ARHGAP29: variants seen among roughly 807,000 people sequenced by gnomAD.
The protein encoded by ARHGAP29 is rho GTPase-activating protein 29.
A neutral mutation model predicts 122.6 loss-of-function variants in ARHGAP29; 43 were observed. The ratio of observed to expected loss-of-function variants is 0.35; its 90% CI spans 0.27 to 0.45. The LOEUF (loss-of-function observed/expected upper bound fraction) is 0.45, where lower values mean the gene tolerates loss of function less well. Ranked by LOEUF, ARHGAP29 falls within the 20% of genes least tolerant of loss-of-function variation. ARHGAP29 has a pLI of 1.00. For missense variants in ARHGAP29, 1,303 were observed against 1,477.2 expected, an observed-to-expected ratio of 0.88 and a Z score of 1.93; for synonymous variants, 506 against 497.1, an observed-to-expected ratio of 1.02 and a Z score of -0.24.
chr1:94,260,948 T>C (rs953163863), intron 1 of ARHGAP29, among the ~76,000 whole-genome samples: 1 of 152,190 alleles, frequency 6.6e-6, no homozygotes, highest in Non-Finnish European at 1.5e-5. Context: ...GTTGAGTGTT[T>C]CCTGACTTCC....
chr1:94,235,881 CTGCCCCACGCA>C (rs1375683340), intron 1 of ARHGAP29, among the ~76,000 whole-genome samples: 1 of 152,212 alleles, frequency 6.6e-6, no homozygotes, highest in East Asian at 1.9e-4. Context: ...CAAATGTCCG[CTGCCCCACGCA>C]TGCCCCCTGC....
chr1:94,200,546 T>A (rs995960869), intron 12 of ARHGAP29, among the ~76,000 whole-genome samples: 1 of 152,200 alleles, frequency 6.6e-6, no homozygotes, highest in African/African-American at 2.4e-5. Flanking sequence ...ACTCCTGGTA[T>A]TGACTTGAGA....
intron 3 of ARHGAP29, among the ~76,000 whole-genome samples, chr1:94,211,710 C>A (rs537993021): frequency 9.2e-5 from 14 of 152,122 alleles, no homozygotes; most frequent in Non-Finnish European, 1.8e-4. Flanking sequence ...GGAAAATCTC[C>A]AAATATTTAG....
intron 1 of ARHGAP29, among the ~76,000 whole-genome samples, chr1:94,269,566 T>G (rs1286643268): frequency 6.8e-6 from 1 of 146,636 alleles, no homozygotes; most frequent in Non-Finnish European, 1.5e-5. Flanking sequence ...ATATCATTAT[T>G]ATTATTACTA....
In ARHGAP29 at chr1:94,273,448, A is replaced by T. The variant is rs979245042; in HGVS notation, c.-33+1564T>A. On this transcript the variant is annotated intron_variant and NMD_transcript_variant, in intron 1 of 25. Coordinates refer to the ARHGAP29 transcript ENST00000552844. The stretch of plus-strand genomic sequence containing the variant: ...TTCTTGGCTTGGTCTCTTATTTATC[A>T]CTCAGAACTTTCTTGATACAAAAAA... Among the ~76,000 whole-genome samples the T allele has an allele frequency of 2.6e-5, 4 of 152,174 alleles. No individual in the cohort carries two copies. In the South Asian group the frequency reaches 8.3e-4, roughly 32 times the overall value.
Position 94,231,455 on chromosome 1 carries a change from T to C in ARHGAP29, c.157A>G (p.Arg53Gly). ...TATAGTAACATGTGGGAGAACTTCC[T>C]GATATCATTCACCAACTCCTTGATG... Reference protein sequence around the residue: ...DYIKELVNDIRKFSHMLLYLK... With the variant: ...DYIKELVNDIGKFSHMLLYLK... The change falls in exon 2 of 23, where the codon AGG becomes GGG. Residue 53 changes from arginine to glycine, a missense_variant. This residue lies in a region of ARHGAP29 where 592 missense variants were observed against 648.2 expected (regional missense o/e 0.91). Coordinates refer to ENST00000260526, the MANE Select transcript of ARHGAP29 (RefSeq NM_004815.4). 6.2e-7 allele frequency: 1 copy of C among 1,613,790 alleles called. No individual in the cohort carries two copies. Among genetic ancestry groups the C allele is most frequent in the Non-Finnish European group, 8.5e-7 (1 of 1,179,710 alleles).
upstream of ARHGAP29, among the ~76,000 whole-genome samples, chr1:94,238,300 C>T (rs1247291726): frequency 1.3e-5 from 2 of 151,902 alleles, no homozygotes; most frequent in Non-Finnish European, 2.9e-5. Context: ...ACCTCCCGAC[C>T]TCAGGTGATC....
rs2101525010 is a variant in ARHGAP29, at chr1:94,205,627, A to C, written c.559+8T>G. ...TTTGTGAAAAGTTATAAACACCTTG[A>C]GCATTACCTTTTTCACTGGATGAGT... On this transcript the variant is annotated splice_region_variant and intron_variant, in intron 6 of 22. Coordinates refer to ENST00000260526, the MANE Select transcript of ARHGAP29 (RefSeq NM_004815.4). The C allele has an allele frequency of 6.2e-7, 1 of 1,611,268 alleles. No individual in the cohort carries two copies. The highest frequency in any genetic ancestry group is 1.1e-5 in the South Asian group (1 of 90,502).
chr1:94,222,505 T>C (rs1380238425), intron 2 of ARHGAP29, among the ~76,000 whole-genome samples: 1 of 152,200 alleles, frequency 6.6e-6, no homozygotes, highest in Non-Finnish European at 1.5e-5. Flanking sequence ...TCCGGTCTAA[T>C]GAGGAGAAAA....
chr1:94,294,069 T>G, the ARHGAP29 span, among the ~76,000 whole-genome samples: 1 of 152,146 alleles, frequency 6.6e-6, no homozygotes, highest in Non-Finnish European at 1.5e-5. Context: ...TCTAAGGATT[T>G]TAGGAGTTGT....
At position 94,173,851 on chromosome 1, in the gene ARHGAP29, C is replaced by T. The variant is rs529470383; in HGVS notation, c.*18G>A. 2.0e-5 allele frequency: 32 copies of T among 1,568,382 alleles called. No homozygotes were observed. The highest frequency in any genetic ancestry group is 2.7e-5 in the African/African-American group (2 of 73,064). Reference sequence around the variant, plus strand: ...AAATAACACAACAACAACAAAAAAACCCTGAAATTTGACATCCCTACACAA... The same window carrying T: ...AAATAACACAACAACAACAAAAAAATCCTGAAATTTGACATCCCTACACAA... On this transcript the variant is annotated 3_prime_UTR_variant, in exon 23 of 23. Coordinates refer to ENST00000260526, the MANE Select transcript of ARHGAP29 (RefSeq NM_004815.4).
At chr1:94,240,961 A>G (rs988726544), upstream of ARHGAP29, among the ~76,000 whole-genome samples, 1 of 152,124 alleles carries the variant, frequency 6.6e-6, no homozygotes, top group Non-Finnish European at 1.5e-5. Context: ...GTCTAAAAAC[A>G]TTTGACAATA....
intron 19 of ARHGAP29, among the ~76,000 whole-genome samples, chr1:94,181,641 GT>G (rs1649471643): frequency 1.3e-5 from 2 of 152,092 alleles, no homozygotes; most frequent in South Asian, 4.2e-4. Context: ...AAAGCTCAAG[GT>G]CTTCGAAGAC....
At chr1:94,302,568 C>G in the ARHGAP29 span, 1 of 354,882 alleles carries the variant, frequency 2.8e-6, no homozygotes, top group South Asian at 2.2e-5. Flanking sequence ...CACTGCTACC[C>G]AGAAGACTCT....
At chr1:94,262,159 G>C (rs1234313569) in intron 1 of ARHGAP29, among the ~76,000 whole-genome samples, 1 of 152,132 alleles carries the variant, frequency 6.6e-6, no homozygotes, top group Non-Finnish European at 1.5e-5. Flanking sequence ...AATGAGGAAA[G>C]GACTCCCTAG....
chr1:94,219,667 T>C (rs939238549), intron 3 of ARHGAP29, among the ~76,000 whole-genome samples: 14 of 152,348 alleles, frequency 9.2e-5, no homozygotes, highest in Non-Finnish European at 1.8e-4. Context: ...ATCCTTCTTT[T>C]ATATACTGCA....
intron 1 of ARHGAP29, among the ~76,000 whole-genome samples, chr1:94,232,531 AGGTAATCTTTT>A (rs2101617640): frequency 6.6e-6 from 1 of 152,282 alleles, no homozygotes; most frequent in South Asian, 2.1e-4. Context: ...GGTAGTAAAA[AGGTAATCTTTT>A]GGTATGAGAA....
At position 94,169,547 on chromosome 1, in the gene ARHGAP29, A is replaced by C. The variant is rs1172112638; in HGVS notation, c.*4322T>G. On this transcript the variant is annotated 3_prime_UTR_variant, in exon 23 of 23. Transcript: ENST00000260526. ...AGATTAACCTCAAAGGATTGAATTG[A>C]AGGTGTCAATGTGAACTCAAAGTTT... 2.0e-5 allele frequency among the ~76,000 whole-genome samples: 3 copies of C among 152,218 alleles called. No individual in the cohort carries two copies. Among genetic ancestry groups the C allele is most frequent in the Middle Eastern group, 3.2e-3 (1 of 316 alleles).
At chr1:94,219,268 A>C (rs1652136963) in intron 3 of ARHGAP29, among the ~76,000 whole-genome samples, 1 of 15,114 alleles carries the variant, frequency 6.6e-5, no homozygotes, top group Non-Finnish European at 2.4e-4. Flanking sequence ...AATCCATGTC[A>C]CCTCCTTGCA....
Sources: gnomAD v4.1 joint callset for allele counts (sites outside exome capture counted in the v4.1 genomes callset) on GRCh38, gnomAD v4.1.1 for gene constraint, gnomAD v4.1.1 regional missense constraint, MANE v1.5 for transcripts, NCBI Gene and HGNC (gene_info 2026-07-23, HGNC 2026-07-21) for gene names.